PTPN4: variants seen among roughly 807,000 people sequenced by gnomAD.
PTPN4 encodes the protein protein tyrosine phosphatase non-receptor type 4.
PTPN4 carries 49 observed loss-of-function variants against 135.5 expected under a neutral mutation model. That is an observed-to-expected ratio of 0.36 (90% CI 0.29 to 0.46). The LOEUF is 0.46. Among genes scored for constraint, PTPN4 ranks in the 20% least tolerant of loss-of-function variants. PTPN4 has a pLI of 1.00. For synonymous variants in PTPN4, 333 were observed against 369.9 expected (o/e 0.90, Z 1.14); for missense variants, 860 against 1,101.0 (o/e 0.78, Z 3.10).
intron 2 of PTPN4, among the ~76,000 whole-genome samples, chr2:119,861,046 CA>C (rs58044995): frequency 2.1e-3 from 231 of 112,502 alleles, no homozygotes; most frequent in Non-Finnish European, 1.6e-3. Context: ...AACTCCATCT[CA>C]AAAAAAAAAA....
chr2:119,849,602 C>A (rs1677560696), intron 2 of PTPN4, among the ~76,000 whole-genome samples: 1 of 152,234 alleles, frequency 6.6e-6, no homozygotes, highest in Non-Finnish European at 1.5e-5. Flanking sequence ...CGCATCCAAG[C>A]AAACCGGACA....
intron 1 of PTPN4, among the ~76,000 whole-genome samples, chr2:119,775,786 CATAAA>C (rs1380995232): frequency 6.7e-6 from 1 of 149,996 alleles, no homozygotes; most frequent in Non-Finnish European, 1.5e-5. Flanking sequence ...TCAGGGAACT[CATAAA>C]AGAGATTGTG....
chr2:119,773,354 A>G (rs923542848), intron 1 of PTPN4, among the ~76,000 whole-genome samples: 7 of 152,148 alleles, frequency 4.6e-5, no homozygotes, highest in Admixed American at 2.0e-4. Context: ...TTCAATAAAT[A>G]TATCGGAAAA....
Position 119,783,959 on chromosome 2 carries a change from G to C in PTPN4, c.-18+23575G>C, listed in dbSNP as rs116481147. 3.3e-3 allele frequency among the ~76,000 whole-genome samples: 500 copies of C among 152,234 alleles called. 2 individuals carry two copies. The highest frequency in any genetic ancestry group is 0.011 in the African/African-American group (473 of 41,538). ...CACTTGGAGGTGGGGGATCCACTTC[G>C]CAGATTGCTTATTCATATGTCTAAT... On this transcript the variant is annotated intron_variant, in intron 1 of 26. Coordinates refer to ENST00000263708, the MANE Select transcript of PTPN4 (RefSeq NM_002830.4).
chr2:119,977,143 G>T lies in PTPN4; in HGVS notation c.*73G>T, dbSNP rs1025509877. 3.6e-6 allele frequency: 5 copies of T among 1,399,214 alleles called. No homozygotes were observed. In the Admixed American group the frequency reaches 1.3e-4, roughly 35 times the overall value. 86.7% of individuals were successfully genotyped at this position (1,399,214 alleles called of 1,614,324 possible). On this transcript the variant is annotated 3_prime_UTR_variant, in exon 27 of 27. Transcript: ENST00000263708. ...TGTTCACTGTGCCATAATGCTGCTC[G>T]CAGGAAATGGCATTTTACAAAAAAA...
chr2:119,874,968 AAAT>A (rs1367750102), intron 3 of PTPN4, among the ~76,000 whole-genome samples: 3 of 152,274 alleles, frequency 2.0e-5, no homozygotes, highest in East Asian at 3.9e-4. Context: ...TACTGTTGAA[AAAT>A]AATAACCCAA....
At chr2:119,975,384 G>A (rs1033969248) in intron 26 of PTPN4, among the ~76,000 whole-genome samples, 1 of 152,106 alleles carries the variant, frequency 6.6e-6, no homozygotes, top group Non-Finnish European at 1.5e-5. Flanking sequence ...CGAGAGTGCT[G>A]GTATTACAGG....
Position 119,951,838 on chromosome 2 carries a change from A to G in PTPN4, c.1657-135A>G, listed in dbSNP as rs527246240. The G allele has an allele frequency of 3.4e-5, 23 of 677,144 alleles. No individual in the cohort carries two copies. In the South Asian group the frequency reaches 7.3e-4, roughly 22 times the overall value. The allele number at this position is 677,144 out of a possible 1,614,324, so 41.9% of individuals were successfully genotyped here. On this transcript the variant is annotated intron_variant, in intron 18 of 26. Coordinates refer to ENST00000263708, the MANE Select transcript of PTPN4 (RefSeq NM_002830.4). ...AAAGCTAGATTTCTACATTTTTTAA[A>G]TAGATAATAAATGAAAGATGCTTTT...
chr2:119,801,831 C>T (rs1691377693), intron 1 of PTPN4, among the ~76,000 whole-genome samples: 1 of 149,712 alleles, frequency 6.7e-6, no homozygotes, highest in Admixed American at 6.7e-5. Flanking sequence ...ATTATTTCAT[C>T]TGCAAAAATG....
intron 10 of PTPN4, among the ~76,000 whole-genome samples, chr2:119,910,796 C>T (rs1245129947): frequency 2.0e-5 from 3 of 152,092 alleles, no homozygotes; most frequent in Non-Finnish European, 2.9e-5. Flanking sequence ...CTGTAAATTT[C>T]CTGAGGTCTC....
chr2:119,783,319 C>T (rs1329471702), intron 1 of PTPN4, among the ~76,000 whole-genome samples: 1 of 152,114 alleles, frequency 6.6e-6, no homozygotes, highest in Non-Finnish European at 1.5e-5. Context: ...TTAATGTCAC[C>T]AACATACATG....
intron 15 of PTPN4, among the ~76,000 whole-genome samples, chr2:119,938,122 T>TG (rs1398591601): frequency 3.1e-5 from 4 of 130,746 alleles, no homozygotes; most frequent in African/African-American, 1.1e-4. Flanking sequence ...AAATGTGGGA[T>TG]AATTTTTTTT....
intron 2 of PTPN4, among the ~76,000 whole-genome samples, chr2:119,848,244 G>T (rs1677536191): frequency 6.6e-6 from 1 of 150,914 alleles, no homozygotes; most frequent in African/African-American, 2.4e-5. Context: ...CTCCATCTCG[G>T]CTCACTGCAA....
chr2:119,862,368 T>G (rs1386869615), intron 2 of PTPN4, among the ~76,000 whole-genome samples, 168 bp from the exon 3 acceptor site: 1 of 152,190 alleles, frequency 6.6e-6, no homozygotes, highest in East Asian at 1.9e-4. Context: ...GTTATTTATA[T>G]CCTACTGCTC....
intron 1 of PTPN4, among the ~76,000 whole-genome samples, chr2:119,784,082 T>C (rs1225399651): frequency 6.6e-6 from 1 of 152,088 alleles, no homozygotes; most frequent in Admixed American, 6.5e-5. Context: ...AGAAGCTGGG[T>C]TCTGAAGGGA....
rs962457761 is a variant in PTPN4, at chr2:119,780,052, A to T, written c.-18+19668A>T. On this transcript the variant is annotated intron_variant, in intron 1 of 26. Coordinates refer to ENST00000263708, the MANE Select transcript of PTPN4 (RefSeq NM_002830.4). ...TGAGCCACCACACCTGGCTGAAATA[A>T]TTTTTTTTTTAACTCTTTCCTCACA... Among the ~76,000 whole-genome samples, 7 of 151,022 alleles carry T rather than the reference A, an allele frequency of 4.6e-5. No individual in the cohort carries two copies. In the East Asian group the frequency reaches 1.4e-3, roughly 29 times the overall value.
chr2:119,952,087 G>A lies in PTPN4; in HGVS notation c.1771G>A (p.Glu591Lys), dbSNP rs1017065436. 3 of 1,613,134 alleles carry A rather than the reference G, an allele frequency of 1.9e-6. No homozygotes were observed. Among genetic ancestry groups the A allele is most frequent in the African/African-American group, 2.7e-5 (2 of 74,886 alleles). The change falls in exon 19 of 27, where the codon GAG (glutamate) becomes AAG (lysine). Residue 591 changes from glutamate (E) to lysine (K), a missense_variant. Coordinates refer to ENST00000263708, the MANE Select transcript of PTPN4 (RefSeq NM_002830.4). ...QVVLFIKASC[E>K]RHSGELMLLV... ...TGTGCTGTTTATTAAAGCTAGTTGT[G>A]AGAGACATTCTGGGGAACTCATGCT...
rs141058080 is a variant in PTPN4, at chr2:119,787,762, A to G, written c.-17-22075A>G. ...CCTATGTAGTTCTATTTCTTCATCTATAGAAATAAAGTTAATCTCTCTTTA... is the reference window on the plus strand; with the variant it reads ...CCTATGTAGTTCTATTTCTTCATCTGTAGAAATAAAGTTAATCTCTCTTTA... On this transcript the variant is annotated intron_variant, in intron 1 of 26. Coordinates refer to ENST00000263708, the MANE Select transcript of PTPN4 (RefSeq NM_002830.4). 2.8e-4 allele frequency among the ~76,000 whole-genome samples: 43 copies of G among 152,332 alleles called. No homozygotes were observed. In the East Asian group the frequency reaches 7.5e-3, roughly 27 times the overall value.
At chr2:119,765,104 T>A (rs1253135632) in intron 1 of PTPN4, among the ~76,000 whole-genome samples, 2 of 152,168 alleles carry the variant, frequency 1.3e-5, no homozygotes, top group African/African-American at 4.8e-5. Context: ...CATTTCTGAG[T>A]CAGGTGGTCT....
Sources: allele counts gnomAD v4.1 joint callset (sites outside exome capture counted in the v4.1 genomes callset), GRCh38; gene constraint gnomAD v4.1.1; transcripts MANE v1.5; gene names NCBI Gene and HGNC (gene_info 2026-07-23, HGNC 2026-07-21).